DOCK3: variants seen among roughly 807,000 people sequenced by gnomAD.
DOCK3 encodes dedicator of cytokinesis 3.
A neutral mutation model predicts 265.6 loss-of-function variants in DOCK3; 60 were observed. The ratio of observed to expected loss-of-function variants is 0.23; its 90% CI spans 0.18 to 0.28. The LOEUF (loss-of-function observed/expected upper bound fraction) is 0.28, where lower values mean the gene tolerates loss of function less well. DOCK3 is among the 10% of genes least tolerant of loss of function. The probability of loss-of-function intolerance (pLI) is 1.00; values close to 1 mark genes in which losing one functional copy is unlikely to be tolerated. For synonymous variants in DOCK3, 881 were observed against 938.0 expected (o/e 0.94, Z 1.11); for missense variants, 1,981 against 2,594.3 (o/e 0.76, Z 5.14).
intron 24 of DOCK3, among the ~76,000 whole-genome samples, chr3:51,272,798 A>G (rs1481984622): frequency 6.6e-6 from 1 of 151,754 alleles, no homozygotes; most frequent in African/African-American, 2.4e-5. Flanking sequence ...TATACTGAAG[A>G]TTTTATTAAT....
intron 9 of DOCK3, among the ~76,000 whole-genome samples, chr3:51,139,108 A>C (rs1005074785): frequency 6.6e-6 from 1 of 152,150 alleles, no homozygotes; most frequent in Non-Finnish European, 1.5e-5. Flanking sequence ...ACTAGGGGTC[A>C]TCTTCACTCC....
At chr3:51,177,024 G>A (rs945054644) in intron 12 of DOCK3, among the ~76,000 whole-genome samples, 2 of 152,022 alleles carry the variant, frequency 1.3e-5, no homozygotes, top group African/African-American at 4.8e-5. Flanking sequence ...TTAGTACTCT[G>A]TCTACTTTCA....
At chr3:51,062,498 C>T (rs1263493471) in intron 5 of DOCK3, among the ~76,000 whole-genome samples, 1 of 152,210 alleles carries the variant, frequency 6.6e-6, no homozygotes, top group East Asian at 1.9e-4. Context: ...TCCCTGACCA[C>T]TCCACCTAAA....
At chr3:51,056,414 A>G (rs1219196488) in intron 5 of DOCK3, among the ~76,000 whole-genome samples, 1 of 151,966 alleles carries the variant, frequency 6.6e-6, no homozygotes, top group East Asian at 1.9e-4. Flanking sequence ...ATGGCTGGCT[A>G]ATTTTTTGTA....
chr3:50,877,335 G>C (rs2047752374), intron 3 of DOCK3: 2 of 410,682 alleles, frequency 4.9e-6, no homozygotes, highest in Non-Finnish European at 9.8e-6. Flanking sequence ...GCCCTCAGTT[G>C]AACTTCTTTC....
At chr3:50,851,658 A>C (rs2046363277) in intron 3 of DOCK3, among the ~76,000 whole-genome samples, 1 of 152,178 alleles carries the variant, frequency 6.6e-6, no homozygotes, top group Non-Finnish European at 1.5e-5. Context: ...CCAGGTCACC[A>C]AGCTGGCCCT....
chr3:51,050,547 T>C (rs72943166), intron 5 of DOCK3, among the ~76,000 whole-genome samples: 10,915 of 152,154 alleles, frequency 0.072, 984 homozygotes, highest in East Asian at 0.33. Flanking sequence ...CCCACACTTA[T>C]AGAGGGCAAG....
Position 51,256,067 on chromosome 3 carries a change from G to C in DOCK3, c.2185-4089G>C, listed in dbSNP as rs201914713. On this transcript the variant is annotated intron_variant, in intron 22 of 52. Coordinates refer to ENST00000266037, the MANE Select transcript of DOCK3 (RefSeq NM_004947.5). Reference sequence around the variant, plus strand: ...GGTTTTTGGTGTGGATGTCCTTTCTGTTTGTTAGTTTTCCTTCTAACAGTC... The same window carrying C: ...GGTTTTTGGTGTGGATGTCCTTTCTCTTTGTTAGTTTTCCTTCTAACAGTC... 5.3e-5 allele frequency among the ~76,000 whole-genome samples: 8 copies of C among 152,316 alleles called. No individual in the cohort carries two copies. The East Asian group carries it at 1.3e-3, about 26-fold the overall frequency.
chr3:51,300,333 A>G (rs953803945), intron 27 of DOCK3, among the ~76,000 whole-genome samples: 8 of 152,224 alleles, frequency 5.3e-5, no homozygotes, highest in African/African-American at 1.4e-4. Context: ...TAGATATAGA[A>G]TCATGTCATC....
At chr3:50,726,544 T>C (rs978907149) in intron 1 of DOCK3, among the ~76,000 whole-genome samples, 2 of 152,288 alleles carry the variant, frequency 1.3e-5, no homozygotes, top group Admixed American at 6.5e-5. Context: ...TAAGTGGCCT[T>C]GGTAAGCACT....
intron 2 of DOCK3, among the ~76,000 whole-genome samples, chr3:50,832,818 G>T (rs548781812): frequency 2.0e-5 from 3 of 152,188 alleles, no homozygotes; most frequent in South Asian, 4.1e-4. Flanking sequence ...AACTATCAGG[G>T]TCTCTTGTAT....
intron 5 of DOCK3, among the ~76,000 whole-genome samples, chr3:51,003,480 C>G (rs952096703): frequency 6.6e-6 from 1 of 152,216 alleles, no homozygotes; most frequent in Non-Finnish European, 1.5e-5. Flanking sequence ...ATTCATAGAG[C>G]TGCAAGTGAA....
chr3:51,007,574 T>A (rs1212231219), intron 5 of DOCK3, among the ~76,000 whole-genome samples: 1 of 152,246 alleles, frequency 6.6e-6, no homozygotes, highest in African/African-American at 2.4e-5. Context: ...GTAGGTTGCC[T>A]GTTCACTCTG....
intron 9 of DOCK3, among the ~76,000 whole-genome samples, chr3:51,114,168 C>T (rs1006499404): frequency 6.6e-6 from 1 of 151,866 alleles, no homozygotes; most frequent in Non-Finnish European, 1.5e-5. Context: ...AAGTCTAGGC[C>T]AGAGATTTAG....
intron 12 of DOCK3, among the ~76,000 whole-genome samples, chr3:51,186,113 T>G (rs1027391909): frequency 2.6e-5 from 4 of 152,212 alleles, no homozygotes; most frequent in African/African-American, 9.7e-5. Flanking sequence ...CGGGAAAGTT[T>G]GAAACTTCCT....
intron 5 of DOCK3, among the ~76,000 whole-genome samples, chr3:50,995,965 C>T (rs1274447412): frequency 2.6e-5 from 4 of 151,966 alleles, no homozygotes; most frequent in Non-Finnish European, 5.9e-5. Context: ...GGTGCGATCT[C>T]GGCTCACTGC....
intron 5 of DOCK3, among the ~76,000 whole-genome samples, chr3:51,043,886 A>G (rs1419911118): frequency 1.3e-5 from 2 of 152,204 alleles, no homozygotes; most frequent in Non-Finnish European, 2.9e-5. Flanking sequence ...ACACCATCTA[A>G]TACCAATCAG....
chr3:50,768,787 A>G (rs1171375831), intron 1 of DOCK3, among the ~76,000 whole-genome samples: 1 of 152,184 alleles, frequency 6.6e-6, no homozygotes, highest in East Asian at 1.9e-4. Context: ...GGATTGTAGA[A>G]TCATATGGTA....
chr3:50,846,036 A>C (rs2046062333), intron 3 of DOCK3, among the ~76,000 whole-genome samples: 1 of 152,186 alleles, frequency 6.6e-6, no homozygotes, highest in Admixed American at 6.5e-5. Flanking sequence ...AGTTGATATG[A>C]AACCGTTATT....
Sources: allele counts gnomAD v4.1 joint callset (sites outside exome capture counted in the v4.1 genomes callset), GRCh38; gene constraint gnomAD v4.1.1; transcripts MANE v1.5; gene names NCBI Gene and HGNC (gene_info 2026-07-23, HGNC 2026-07-21).